ONECUT3: variants seen among roughly 807,000 people sequenced by gnomAD.
ONECUT3 encodes the protein one cut domain family member 3.
Under a neutral mutation model 16.8 loss-of-function variants are expected in ONECUT3, and 11 were observed. The observed-to-expected ratio is 0.66, with a 90% CI of 0.41 to 1.09. The LOEUF (loss-of-function observed/expected upper bound fraction) is 1.09. Among genes scored for constraint, ONECUT3 ranks in the 50% least tolerant of loss-of-function variants. The probability of loss-of-function intolerance (pLI) is 0.00; values close to 1 mark genes in which losing one functional copy is unlikely to be tolerated. For missense variants in ONECUT3, 637 were observed against 629.9 expected, an observed-to-expected ratio of 1.01 and a Z score of -0.12; for synonymous variants, 344 against 310.7, an observed-to-expected ratio of 1.11 and a Z score of -1.13.
intron 1 of ONECUT3, among the ~76,000 whole-genome samples, chr19:1,770,646 C>G (rs2068045765): frequency 6.6e-6 from 1 of 152,164 alleles, no homozygotes; most frequent in Admixed American, 6.5e-5. Context: ...AAGGGCCTCC[C>G]TTGGAATTTC....
chr19:1,772,563 G>C (rs1358689188), intron 1 of ONECUT3, among the ~76,000 whole-genome samples: 2 of 151,598 alleles, frequency 1.3e-5, no homozygotes, highest in Non-Finnish European at 2.9e-5. Context: ...CTCTATTTTT[G>C]AACTGTCTCT....
Position 1,754,157 on chromosome 19 carries a change from C to G in ONECUT3, c.495C>G (p.Ser165Arg). 2 of 1,083,004 alleles carry G rather than the reference C, an allele frequency of 1.8e-6. No individual in the cohort carries two copies. The highest frequency in any genetic ancestry group is 2.2e-6 in the Non-Finnish European group (2 of 891,096). The allele number at this position is 1,083,004 out of a possible 1,614,324, so 67.1% of individuals were successfully genotyped here. The change falls in exon 1 of 2, where the codon AGC (serine) becomes AGG (arginine). Residue 165 changes from serine (S) to arginine (R), a missense_variant. Physicochemically the swap from Ser to Arg is moderately radical, Grantham distance 110. Around this residue, in one of 3 missense-constraint regions of ONECUT3, gnomAD observed 419 missense variants for 377.9 expected, o/e 1.11. Transcript: ENST00000382349. The surrounding 1 kb of genome is among the most constrained non-coding windows in gnomAD (Gnocchi z 7.4). ...PPPQRLAASV[S>R]GSFTLMRDER... ...CGCAGCGTCTGGCGGCCAGCGTGAG[C>G]GGCAGCTTCACCCTCATGCGCGACG...
At chr19:1,756,933 C>G (rs886907347) in intron 1 of ONECUT3, among the ~76,000 whole-genome samples, 33 of 152,300 alleles carry the variant, frequency 2.2e-4, no homozygotes, top group Non-Finnish European at 4.1e-4. Context: ...CCACCACCTC[C>G]TGCCTCCTCT....
Position 1,767,208 on chromosome 19 carries a change from CA to C in ONECUT3, c.1193-7944del, listed in dbSNP as rs1804823761. Among the ~76,000 whole-genome samples the C allele has an allele frequency of 2.0e-5, 3 of 152,234 alleles. No individual in the cohort carries two copies. In the South Asian group the frequency reaches 6.2e-4, roughly 32 times the overall value. Reference sequence around the variant, plus strand: ...TCGTGGTTGGAAGGCAAGTGTCGCCCAGAGCCCAGCTCCTCTCAGGGACCCC... The same window carrying C: ...TCGTGGTTGGAAGGCAAGTGTCGCCCGAGCCCAGCTCCTCTCAGGGACCCC... On this transcript the variant is annotated intron_variant, in intron 1 of 1. Coordinates refer to ENST00000382349, the MANE Select transcript of ONECUT3 (RefSeq NM_001080488.2).
In ONECUT3 at chr19:1,764,967, G is replaced by C. The variant is rs762382568; in HGVS notation, c.1192+10113G>C. Among the ~76,000 whole-genome samples, 1 of 151,894 alleles carries C rather than the reference G, an allele frequency of 6.6e-6. No individual in the cohort carries two copies. The highest frequency in any genetic ancestry group is 1.5e-5 in the Non-Finnish European group (1 of 68,008). On this transcript the variant is annotated intron_variant, in intron 1 of 1. Transcript: ENST00000382349. This position sits in a 1 kb window ranked among gnomAD's most constrained non-coding sequence, Gnocchi z 5.0. ...CTCCATATTGAATTGTCTGCTCCCTGAAGCCAGAGGTGGCTGAGGGAGGGG... is the reference window on the plus strand; with the variant it reads ...CTCCATATTGAATTGTCTGCTCCCTCAAGCCAGAGGTGGCTGAGGGAGGGG...
At position 1,766,353 on chromosome 19, in the gene ONECUT3, CA is replaced by C. The variant is rs2067989330; in HGVS notation, c.1193-8799del. 6.6e-6 allele frequency among the ~76,000 whole-genome samples: 1 copy of C among 151,950 alleles called. No individual in the cohort carries two copies. The highest frequency in any genetic ancestry group is 1.5e-5 in the Non-Finnish European group (1 of 67,904). On this transcript the variant is annotated intron_variant, in intron 1 of 1. Coordinates refer to ENST00000382349, the MANE Select transcript of ONECUT3 (RefSeq NM_001080488.2). The surrounding 1 kb of genome is among the most constrained non-coding windows in gnomAD (Gnocchi z 4.0). ...GCAGAGGCACCCACGGGCCCGCCTT[CA>C]GGGGCGAGGCGGATGCTGCATCCTG...
Position 1,755,836 on chromosome 19 carries a change from C to T in ONECUT3, c.1192+982C>T, listed in dbSNP as rs1163760536. On this transcript the variant is annotated intron_variant, in intron 1 of 1. Coordinates refer to ENST00000382349, the MANE Select transcript of ONECUT3 (RefSeq NM_001080488.2). This position sits in a 1 kb window ranked among gnomAD's most constrained non-coding sequence, Gnocchi z 7.5. ...CAGCTGACAACAGCTAAGTCCACAC[C>T]TGCCCTCTGACAGGCAGCCCGGCCA... 1.3e-5 allele frequency among the ~76,000 whole-genome samples: 2 copies of T among 152,362 alleles called. No individual in the cohort carries two copies. Among genetic ancestry groups the T allele is most frequent in the African/African-American group, 4.8e-5 (2 of 41,590 alleles).
In ONECUT3 at chr19:1,769,017, TGGAAGTGGA is replaced by T. The variant is rs1411796139; in HGVS notation, c.1193-6133_1193-6125del. Among the ~76,000 whole-genome samples the T allele has an allele frequency of 8.3e-4, 62 of 75,006 alleles. 2 individuals are homozygous for T. The highest frequency in any genetic ancestry group is 2.1e-3 in the African/African-American group (39 of 19,010). 49.2% of individuals were successfully genotyped at this position (75,006 alleles called of 152,430 possible). A position where few individuals can be genotyped will look rare whatever the true frequency, so the allele number is the denominator to read the frequency against. ...GAGGTGATGGTGGAGGTGGTGGAGG[TGGAAGTGGA>T]GGTGGAGGTGACGGTGGAGGTGGTG... On this transcript the variant is annotated intron_variant, in intron 1 of 1. Transcript: ENST00000382349.
Position 1,758,332 on chromosome 19 carries a change from A to ACAGAGATGG in ONECUT3, c.1192+3478_1192+3479insCAGAGATGG, listed in dbSNP as rs1285705873. ...AAAAAAAAAAGAGAGAGAGAGAGAGAGAGACAGAGATGGGAGAGGAACTCT... is the reference window on the plus strand; with the variant it reads ...AAAAAAAAAAGAGAGAGAGAGAGAGACAGAGATGGGAGACAGAGATGGGAGAGGAACTCT... On this transcript the variant is annotated intron_variant, in intron 1 of 1. Transcript: ENST00000382349. This position sits in a 1 kb window ranked among gnomAD's most constrained non-coding sequence, Gnocchi z 5.9. Among the ~76,000 whole-genome samples the ACAGAGATGG allele has an allele frequency of 2.8e-5, 4 of 143,886 alleles. No homozygotes were observed. The highest frequency in any genetic ancestry group is 1.1e-4 in the African/African-American group (4 of 37,310). 94.4% of individuals were successfully genotyped at this position (143,886 alleles called of 152,430 possible).
At chr19:1,772,826 T>C (rs1479607687) in intron 1 of ONECUT3, among the ~76,000 whole-genome samples, 2 of 150,250 alleles carry the variant, frequency 1.3e-5, no homozygotes, top group Non-Finnish European at 3.0e-5. Flanking sequence ...CCCGAGTAGC[T>C]GGGATTACAG....
rs1167945632 is a variant in ONECUT3 at position 1,754,859 on chromosome 19, G to A, written c.1192+5G>A. 1 of 1,463,182 alleles carries A rather than the reference G, an allele frequency of 6.8e-7. No individual in the cohort carries two copies. The allele number at this position is 1,463,182 out of a possible 1,614,324, so 90.6% of individuals were successfully genotyped here. A position where few individuals can be genotyped will look rare whatever the true frequency, so the allele number is the denominator to read the frequency against. On this transcript the variant is annotated splice_donor_5th_base_variant and intron_variant, in intron 1 of 1. Transcript: ENST00000382349. The surrounding 1 kb of genome is among the most constrained non-coding windows in gnomAD (Gnocchi z 7.4). ...TGTCGGCGCTGCGCTTGGCAGGTAGGAGCGTGGCGCGCAGGGCCAGACCCT... is the reference window on the plus strand; with the variant it reads ...TGTCGGCGCTGCGCTTGGCAGGTAGAAGCGTGGCGCGCAGGGCCAGACCCT...
At position 1,766,928 on chromosome 19, in the gene ONECUT3, C is replaced by A. The variant is rs919593685; in HGVS notation, c.1193-8225C>A. 2.0e-5 allele frequency among the ~76,000 whole-genome samples: 3 copies of A among 152,028 alleles called. No individual in the cohort carries two copies. Among genetic ancestry groups the A allele is most frequent in the African/African-American group, 7.2e-5 (3 of 41,388 alleles). ...TGCTGGGCCACAGAAAGATCTCAGG[C>A]CCCACGAGGCTAAAAGGAGGAACAG... On this transcript the variant is annotated intron_variant, in intron 1 of 1. Transcript: ENST00000382349. The surrounding 1 kb of genome is among the most constrained non-coding windows in gnomAD (Gnocchi z 4.0).
chr19:1,772,686 C>CTTTTTTTTTTTTT (rs201848533), intron 1 of ONECUT3, among the ~76,000 whole-genome samples: 1 of 64,010 alleles, frequency 1.6e-5, no homozygotes, highest in African/African-American at 8.0e-5. Flanking sequence ...CTGCTTTACT[C>CTTTTTTTTTTTTT]TTTTTTTTTT....
rs2068151790 is a variant in ONECUT3, at chr19:1,780,906, C to G, written c.*5461C>G. ...CACCACTTGGACCCTCCAAAGTCCC[C>G]TCCCCTCCAGGGACAGGGGAGAGAA... On this transcript the variant is annotated 3_prime_UTR_variant, in exon 2 of 2. Coordinates refer to ENST00000382349, the MANE Select transcript of ONECUT3 (RefSeq NM_001080488.2). 6.6e-6 allele frequency: 1 copy of G among 151,174 alleles called. No individual in the cohort carries two copies. The highest frequency in any genetic ancestry group is 2.1e-4 in the South Asian group (1 of 4,794). The allele number at this position is 151,174 out of a possible 1,614,324, so 9.4% of individuals were successfully genotyped here.
At position 1,775,452 on chromosome 19, in the gene ONECUT3, C is replaced by G. The variant is rs2068098055; in HGVS notation, c.*7C>G. 1.7e-5 allele frequency: 25 copies of G among 1,467,106 alleles called. No individual in the cohort carries two copies. The highest frequency in any genetic ancestry group is 2.2e-5 in the Non-Finnish European group (25 of 1,115,616). The allele number at this position is 1,467,106 out of a possible 1,614,324, so 90.9% of individuals were successfully genotyped here. On this transcript the variant is annotated 3_prime_UTR_variant, in exon 2 of 2. Transcript: ENST00000382349. Reference sequence around the variant, plus strand: ...CACTTTCTCCAAGGCCTGAGGCGCCCCGGCCCCGCGCCCTCCCTGCCTCCA... The same window carrying G: ...CACTTTCTCCAAGGCCTGAGGCGCCGCGGCCCCGCGCCCTCCCTGCCTCCA...
chr19:1,753,854 C>T lies in ONECUT3; in HGVS notation c.192C>T (p.Gly64=), dbSNP rs1395707625. The T allele has an allele frequency of 1.0e-6, 1 of 971,990 alleles. No homozygotes were observed. Among genetic ancestry groups the T allele is most frequent in the Admixed American group, 6.4e-5 (1 of 15,622 alleles). 60.2% of individuals were successfully genotyped at this position (971,990 alleles called of 1,614,324 possible). ...LDGGGGGGGG[G]AGGAGGAGSA... ...GCGGCGGCGGCGGCGGCGGTGGGGG[C>T]GCCGGGGGCGCGGGCGGCGCGGGCA... Residue 64 remains glycine, a synonymous_variant, in exon 1 of 2, where the codon GGC becomes GGT. Transcript: ENST00000382349.
chr19:1,777,022 AAGAGAGAGAGAGAGAGAGGG>A lies in ONECUT3; in HGVS notation c.*1586_*1605del, dbSNP rs1830417034. 1 of 136,378 alleles carries A rather than the reference AAGAGAGAGAGAGAGAGAGGG, an allele frequency of 7.3e-6. No homozygotes were observed. Among genetic ancestry groups the A allele is most frequent in the Non-Finnish European group, 1.6e-5 (1 of 60,980 alleles). The allele number at this position is 136,378 out of a possible 1,614,324, so 8.4% of individuals were successfully genotyped here. On this transcript the variant is annotated 3_prime_UTR_variant, in exon 2 of 2. Transcript: ENST00000382349. Reference sequence around the variant, plus strand: ...CACCCCTTCCCGAACCTGAGAGCGAAAGAGAGAGAGAGAGAGAGGGAGAGAGAGGGAGAGAAAGGGAGAGA... The same window carrying A: ...CACCCCTTCCCGAACCTGAGAGCGAAAGAGAGAGGGAGAGAAAGGGAGAGA...
chr19:1,763,366 C>CAGAAAAAAAAAA (rs2067956940), intron 1 of ONECUT3, among the ~76,000 whole-genome samples: 1 of 36,794 alleles, frequency 2.7e-5, no homozygotes, highest in African/African-American at 6.6e-5. Context: ...GACTCCATCT[C>CAGAAAAAAAAAA]AAAAAAAAAA....
chr19:1,770,457 G>C (rs921622746), intron 1 of ONECUT3, among the ~76,000 whole-genome samples: 8 of 152,126 alleles, frequency 5.3e-5, no homozygotes, highest in Non-Finnish European at 7.4e-5. Context: ...AAGAATTATT[G>C]TTAAGAATTG....
Sources: allele counts gnomAD v4.1 joint callset (sites outside exome capture counted in the v4.1 genomes callset), GRCh38; gene constraint gnomAD v4.1.1; regional missense constraint gnomAD v4.1.1; non-coding constraint Gnocchi (gnomAD v3.1); transcripts MANE v1.5; gene names NCBI Gene and HGNC (gene_info 2026-07-23, HGNC 2026-07-21).